The following SFMBT2 variants were observed in gnomAD, a reference collection of about 807,000 sequenced individuals.
The protein encoded by SFMBT2 is scm-like with four MBT domains protein 2.
SFMBT2 carries 38 observed loss-of-function variants against 110.1 expected under a neutral mutation model. That is an observed-to-expected ratio of 0.35 (90% CI 0.27 to 0.45). The LOEUF is 0.45. SFMBT2 is among the 20% of genes least tolerant of loss of function. SFMBT2 has a pLI of 1.00. For missense variants in SFMBT2, 1,011 were observed against 1,094.9 expected (o/e 0.92, Z 1.08); for synonymous variants, 425 against 425.4 (o/e 1.00, Z 0.01).
At chr10:7,264,251 G>A (rs956410217) in intron 7 of SFMBT2, 1 of 243,504 alleles carries the variant, frequency 4.1e-6, no homozygotes, top group Admixed American at 6.5e-5. Context: ...TACAGTTTCA[G>A]ACCCAACCAA....
intron 7 of SFMBT2, among the ~76,000 whole-genome samples, chr10:7,250,311 C>T (rs1392829382): frequency 6.6e-6 from 1 of 152,186 alleles, no homozygotes; most frequent in Non-Finnish European, 1.5e-5. Context: ...CAAGGTCTAG[C>T]TCGCACTTCT....
At chr10:7,215,549 G>A (rs1033898375) in intron 11 of SFMBT2, 1 of 985,318 alleles carries the variant, frequency 1.0e-6, no homozygotes, top group Non-Finnish European at 1.2e-6. Context: ...GGGCTCCAGG[G>A]CACTGCTCTG....
intron 16 of SFMBT2, among the ~76,000 whole-genome samples, chr10:7,186,649 G>A (rs1434360905): frequency 6.6e-6 from 1 of 151,984 alleles, no homozygotes; most frequent in Non-Finnish European, 1.5e-5. Flanking sequence ...CCTCTTGTAC[G>A]TTAATTTATT....
chr10:7,195,866 G>A (rs1404921005), intron 15 of SFMBT2, among the ~76,000 whole-genome samples: 2 of 152,162 alleles, frequency 1.3e-5, no homozygotes, highest in East Asian at 3.9e-4. Context: ...GTGGGCCAGG[G>A]ACCACCTGCT....
At chr10:7,297,686 AT>A (rs1842441742) in intron 4 of SFMBT2, among the ~76,000 whole-genome samples, 1 of 152,238 alleles carries the variant, frequency 6.6e-6, no homozygotes, top group Non-Finnish European at 1.5e-5. Flanking sequence ...ACATTTTAAA[AT>A]TTTGAAACAA....
intron 20 of SFMBT2, among the ~76,000 whole-genome samples, chr10:7,167,633 G>C (rs1451428332): frequency 6.6e-6 from 1 of 152,052 alleles, no homozygotes; most frequent in Non-Finnish European, 1.5e-5. Flanking sequence ...GGAGTATTTG[G>C]GCTAAATGAC....
chr10:7,188,315 A>G (rs1013598476), intron 16 of SFMBT2, among the ~76,000 whole-genome samples: 1 of 152,154 alleles, frequency 6.6e-6, no homozygotes, highest in African/African-American at 2.4e-5. Flanking sequence ...CCTCTTTACA[A>G]TTTTCCCCCT....
chr10:7,388,976 T>C (rs754500663), intron 1 of SFMBT2, among the ~76,000 whole-genome samples: 1 of 151,872 alleles, frequency 6.6e-6, no homozygotes. Flanking sequence ...ACTAAGACAG[T>C]GGAGAAGAAA....
At chr10:7,348,358 T>A in intron 4 of SFMBT2, 1 of 1,511,522 alleles carries the variant, frequency 6.6e-7, no homozygotes, top group Non-Finnish European at 8.9e-7. Context: ...TCACAGATGG[T>A]TTTAATGGCT....
intron 2 of SFMBT2, among the ~76,000 whole-genome samples, chr10:7,377,962 G>GC (rs1845290091): frequency 5.8e-5 from 7 of 121,734 alleles, no homozygotes; most frequent in Non-Finnish European, 1.3e-4. Context: ...ATTTTGTGTG[G>GC]GGGGGGGTTG....
At chr10:7,259,301 G>C (rs1261084461) in intron 7 of SFMBT2, among the ~76,000 whole-genome samples, 2 of 152,212 alleles carry the variant, frequency 1.3e-5, no homozygotes, top group Non-Finnish European at 2.9e-5. Context: ...CTCCCCACTG[G>C]AAAGTGCCCA....
Position 7,170,803 on chromosome 10 carries a change from C to G in SFMBT2, c.2544+125G>C. The G allele has an allele frequency of 8.6e-7, 1 of 1,165,090 alleles. No homozygotes were observed. The highest frequency in any genetic ancestry group is 1.2e-6 in the Non-Finnish European group (1 of 817,308). 72.2% of individuals were successfully genotyped at this position (1,165,090 alleles called of 1,614,324 possible). A position where few individuals can be genotyped will look rare whatever the true frequency, so the allele number is the denominator to read the frequency against. On this transcript the variant is annotated intron_variant, in intron 20 of 20. Transcript: ENST00000397167. This position sits in a 1 kb window ranked among gnomAD's most constrained non-coding sequence, Gnocchi z 4.6. Reference sequence around the variant, plus strand: ...GCCTTGGAGGGAGAAGGGTCTCGCACACCTGCCGAGCAGCGCCGAAGAACC... The same window carrying G: ...GCCTTGGAGGGAGAAGGGTCTCGCAGACCTGCCGAGCAGCGCCGAAGAACC...
intron 1 of SFMBT2, among the ~76,000 whole-genome samples, chr10:7,390,926 C>A (rs1052013932): frequency 1.3e-5 from 2 of 151,858 alleles, no homozygotes; most frequent in African/African-American, 4.8e-5. Context: ...ATGGTGAAAC[C>A]CCATCTCCAC....
chr10:7,376,685 C>T (rs79083611), intron 2 of SFMBT2, among the ~76,000 whole-genome samples: 1 of 97,350 alleles, frequency 1.0e-5, no homozygotes, highest in Non-Finnish European at 1.8e-5. Flanking sequence ...GGTGACAGAG[C>T]AAGACTCTGT....
intron 11 of SFMBT2, among the ~76,000 whole-genome samples, chr10:7,219,019 A>G (rs949761235): frequency 6.6e-6 from 1 of 152,242 alleles, no homozygotes; most frequent in African/African-American, 2.4e-5. Flanking sequence ...AATAAGGATA[A>G]AACATGGGCT....
chr10:7,401,050 T>C (rs1846068269), intron 1 of SFMBT2, among the ~76,000 whole-genome samples: 1 of 152,050 alleles, frequency 6.6e-6, no homozygotes. Flanking sequence ...GGAGAATTGC[T>C]TGAGCCCGGG....
chr10:7,351,586 A>C (rs1386001095), intron 4 of SFMBT2, among the ~76,000 whole-genome samples: 1 of 152,204 alleles, frequency 6.6e-6, no homozygotes, highest in African/African-American at 2.4e-5. Flanking sequence ...TGAAAACAAA[A>C]CATTCACGCA....
Position 7,209,759 on chromosome 10 carries a change from G to C in SFMBT2, c.1331-3831C>G, listed in dbSNP as rs191811820. ...TGTCCACAGGGAAAGGAACCAGTTG[G>C]CTGGAGGCCGGGGCACAGGAGTGGA... On this transcript the variant is annotated intron_variant, in intron 11 of 20. Coordinates refer to ENST00000397167, the MANE Select transcript of SFMBT2 (RefSeq NM_001387889.1). 3.9e-5 allele frequency among the ~76,000 whole-genome samples: 6 copies of C among 152,368 alleles called. No homozygotes were observed. In the East Asian group the frequency reaches 1.2e-3, roughly 29 times the overall value.
chr10:7,388,805 G>T (rs1208456339), intron 1 of SFMBT2, among the ~76,000 whole-genome samples: 1 of 152,158 alleles, frequency 6.6e-6, no homozygotes, highest in African/African-American at 2.4e-5. Context: ...TACAGTAAGG[G>T]CCCGAGCCCT....
Sources: gnomAD v4.1 joint callset for allele counts (sites outside exome capture counted in the v4.1 genomes callset) on GRCh38, gnomAD v4.1.1 for gene constraint, Gnocchi (gnomAD v3.1) non-coding constraint, MANE v1.5 for transcripts, NCBI Gene and HGNC (gene_info 2026-07-23, HGNC 2026-07-21) for gene names.